The following PLXND1 variants were observed in gnomAD, a reference collection of about 807,000 sequenced individuals.
The protein encoded by PLXND1 is plexin D1.
PLXND1 carries 54 observed loss-of-function variants against 197.7 expected under a neutral mutation model. The ratio of observed to expected loss-of-function variants is 0.27; its 90% CI spans 0.22 to 0.34. The LOEUF (loss-of-function observed/expected upper bound fraction) is 0.34, where lower values mean the gene tolerates loss of function less well. PLXND1 is among the 10% of genes least tolerant of loss of function. PLXND1 has a pLI of 1.00. For synonymous variants in PLXND1, 1,180 were observed against 1,161.2 expected, an observed-to-expected ratio of 1.02 and a Z score of -0.33; for missense variants, 2,127 against 2,699.2, an observed-to-expected ratio of 0.79 and a Z score of 4.70.
intron 19 of PLXND1, 27 bp downstream of exon 19, chr3:129,570,759 C>A: frequency 6.2e-7 from 1 of 1,611,964 alleles, no homozygotes. Context: ...GCCAGGTCTG[C>A]CCTGCTCCGG....
At position 129,567,609 on chromosome 3, in the gene PLXND1, C is replaced by T. The variant is rs763028026; in HGVS notation, c.3974-5G>A. 5.0e-6 allele frequency: 8 copies of T among 1,603,104 alleles called. No homozygotes were observed. Among genetic ancestry groups the T allele is most frequent in the East Asian group, 2.2e-5 (1 of 44,736 alleles). ...CTGTCTGCAGCTCAGCGAAGCCTGG[C>T]GGACACACGGACAGCCGTGAGCGGC... On this transcript the variant is annotated splice_polypyrimidine_tract_variant and splice_region_variant and intron_variant, in intron 21 of 35. Transcript: ENST00000324093.
At chr3:129,572,497 C>T (rs917755273) in intron 15 of PLXND1, 112 bp downstream of exon 15, 4 of 931,414 alleles carry the variant, frequency 4.3e-6, no homozygotes, top group Middle Eastern at 3.1e-4. Flanking sequence ...GGGGACACAG[C>T]CAATGAAGAC....
Position 129,592,998 on chromosome 3 carries a change from C to G in PLXND1, c.1312-3471G>C, listed in dbSNP as rs575521289. Among the ~76,000 whole-genome samples the G allele has an allele frequency of 1.9e-3, 294 of 152,310 alleles. 1 individual carries two copies. The highest frequency in any genetic ancestry group is 6.7e-3 in the African/African-American group (279 of 41,582). Reference sequence around the variant, plus strand: ...TTAGCCTCACAGGCCCAAAATACCCCCTGACCCCAGCACCGTCCTCCTTAA... The same window carrying G: ...TTAGCCTCACAGGCCCAAAATACCCGCTGACCCCAGCACCGTCCTCCTTAA... On this transcript the variant is annotated intron_variant, in intron 1 of 35. Coordinates refer to ENST00000324093, the MANE Select transcript of PLXND1 (RefSeq NM_015103.3).
chr3:129,560,442 G>A lies in PLXND1; in HGVS notation c.5029-8C>T. ...CTCGTCCGTAGGCAGCACCTGGGAG[G>A]CCGGGCAGTGGTCAGTGTCCGCACC... On this transcript the variant is annotated splice_region_variant and splice_polypyrimidine_tract_variant and intron_variant, in intron 30 of 35. Transcript: ENST00000324093. 1.9e-6 allele frequency: 3 copies of A among 1,595,608 alleles called. No homozygotes were observed. Among genetic ancestry groups the A allele is most frequent in the Non-Finnish European group, 2.6e-6 (3 of 1,163,754 alleles).
At position 129,566,433 on chromosome 3, in the gene PLXND1, G is replaced by A. The variant is rs544830082; in HGVS notation, c.4191+94C>T. On this transcript the variant is annotated intron_variant, in intron 23 of 35. Coordinates refer to ENST00000324093, the MANE Select transcript of PLXND1 (RefSeq NM_015103.3). ...AGATGCCTCCCAACTCCGCATGACAGGGATCAATGCATTAGATGAACTGGA... is the reference window on the plus strand; with the variant it reads ...AGATGCCTCCCAACTCCGCATGACAAGGATCAATGCATTAGATGAACTGGA... 2.0e-4 allele frequency: 155 copies of A among 792,134 alleles called. No individual in the cohort carries two copies. In the East Asian group the frequency reaches 3.8e-3, roughly 19 times the overall value. The allele number at this position is 792,134 out of a possible 1,614,324, so 49.1% of individuals were successfully genotyped here.
rs746426331 is a variant in PLXND1, at chr3:129,571,790, C to T, written c.3132G>A (p.Pro1044=). ...GCTCGAAGCGCACACACACAGGCAC[C>T]GGAGCCGGCAGGGCCCCCTCAGGCA... ...CTMPEGALPA[P]VPVCVRFERR... is the part of the protein sequence containing the mutation. The change falls in exon 16 of 36, where the codon CCG becomes CCA. Residue 1044 remains proline, a synonymous_variant. Transcript: ENST00000324093. The T allele has an allele frequency of 7.4e-6, 12 of 1,613,174 alleles. No individual in the cohort carries two copies. Among genetic ancestry groups the T allele is most frequent in the South Asian group, 5.5e-5 (5 of 91,050 alleles).
At chr3:129,587,428 T>G (rs987431155) in intron 2 of PLXND1, among the ~76,000 whole-genome samples, 1 of 152,214 alleles carries the variant, frequency 6.6e-6, no homozygotes, top group African/African-American at 2.4e-5. Context: ...CTTCTCTGGC[T>G]CTGAGGGACC....
At position 129,586,574 on chromosome 3, in the gene PLXND1, G is replaced by A; in HGVS notation, c.1620+14C>T. The A allele has an allele frequency of 6.4e-7, 1 of 1,562,542 alleles. No homozygotes were observed. Among genetic ancestry groups the A allele is most frequent in the African/African-American group, 1.3e-5 (1 of 74,188 alleles). On this transcript the variant is annotated intron_variant, in intron 3 of 35. Coordinates refer to ENST00000324093, the MANE Select transcript of PLXND1 (RefSeq NM_015103.3). ...TGGTGCTGGGATGGCGTTGGGCTGG[G>A]GCTCTGGCCTCACCTGGTGGGACGT... is the stretch of plus-strand genomic sequence containing the variant.
chr3:129,566,501 C>G (rs1578314617), intron 23 of PLXND1, 26 bp downstream of exon 23: 1 of 1,413,152 alleles, frequency 7.1e-7, no homozygotes, highest in South Asian at 1.1e-5. Context: ...AAGCAGCCCA[C>G]TGTGTGTGGG....
chr3:129,575,699 T>G (rs966372479), intron 10 of PLXND1, 67 bp downstream of exon 10: 43 of 1,269,266 alleles, frequency 3.4e-5, no homozygotes, highest in East Asian at 2.5e-5. Flanking sequence ...CAGGGTGGGG[T>G]GAGGGGTACA....
At chr3:129,589,307 G>GCCGCCCCC in intron 2 of PLXND1, 44 bp downstream of exon 2, 1 of 684,688 alleles carries the variant, frequency 1.5e-6, no homozygotes. Flanking sequence ...TCCCAGGGGA[G>GCCGCCCCC]CCTCCCACCC....
intron 8 of PLXND1, among the ~76,000 whole-genome samples, chr3:129,581,546 A>G (rs771722016): frequency 4.6e-5 from 7 of 152,260 alleles, no homozygotes; most frequent in Non-Finnish European, 1.0e-4. Flanking sequence ...CCCAAGGTGC[A>G]TGGTGGCTTT....
intron 2 of PLXND1, 115 bp from the exon 3 acceptor site, chr3:129,586,834 T>C: frequency 8.0e-7 from 1 of 1,247,170 alleles, no homozygotes; most frequent in Non-Finnish European, 1.1e-6. Context: ...CTTGGACCCT[T>C]CAGGAGGGGT....
chr3:129,595,624 C>T (rs1186569590), intron 1 of PLXND1, among the ~76,000 whole-genome samples: 3 of 152,166 alleles, frequency 2.0e-5, no homozygotes, highest in Non-Finnish European at 2.9e-5. Context: ...TCTGGCAGAC[C>T]CTTCGGGGAG....
At position 129,557,037 on chromosome 3, in the gene PLXND1, C is replaced by T; in HGVS notation, c.5586+46G>A. The T allele has an allele frequency of 1.2e-6, 2 of 1,601,112 alleles. No individual in the cohort carries two copies. Among genetic ancestry groups the T allele is most frequent in the Non-Finnish European group, 1.7e-6 (2 of 1,172,750 alleles). ...TGAGGCCCAGCCCCCGACCCCCGAT[C>T]CCTCAGCTCTTCAGGCCCCCATCCC... On this transcript the variant is annotated intron_variant, in intron 34 of 35. Transcript: ENST00000324093. This position sits in a 1 kb window ranked among gnomAD's most constrained non-coding sequence, Gnocchi z 4.8.
Position 129,557,082 on chromosome 3 carries a change from C to CCCTCGACT in PLXND1, c.5579_5586dup (p.Lys1863SerfsTer54). On this transcript the variant is annotated frameshift_variant and splice_region_variant. Transcript: ENST00000324093. LOFTEE classifies it high-confidence loss of function. The surrounding 1 kb of genome is among the most constrained non-coding windows in gnomAD (Gnocchi z 4.8). ...CATCCCCCGCCGCCGAGCCACCGCACCCTCGACTCCTCGGCCAGATGGGCA... is the reference window on the plus strand; with the variant it reads ...CATCCCCCGCCGCCGAGCCACCGCACCCTCGACTCCTCGACTCCTCGGCCAGATGGGCA... 6.2e-7 allele frequency: 1 copy of CCCTCGACT among 1,613,858 alleles called. No individual in the cohort carries two copies. Among genetic ancestry groups the CCCTCGACT allele is most frequent in the Non-Finnish European group, 8.5e-7 (1 of 1,180,016 alleles).
intron 12 of PLXND1, 70 bp downstream of exon 12, chr3:129,574,266 A>C (rs1394636166): frequency 1.4e-6 from 2 of 1,425,174 alleles, no homozygotes; most frequent in African/African-American, 1.4e-5. Flanking sequence ...AAGAAGTGGG[A>C]CCCTCGAGGG....
At chr3:129,602,053 T>C (rs892324674) in intron 1 of PLXND1, among the ~76,000 whole-genome samples, 1 of 152,192 alleles carries the variant, frequency 6.6e-6, no homozygotes, top group South Asian at 2.1e-4. Flanking sequence ...CTAGGGGCTT[T>C]CTAAAATAAT....
chr3:129,596,105 T>C (rs188141074), intron 1 of PLXND1, among the ~76,000 whole-genome samples: 2 of 152,236 alleles, frequency 1.3e-5, no homozygotes, highest in Non-Finnish European at 2.9e-5. Context: ...CTAGGGCTTA[T>C]GGAAGGACTG....
Sources: gnomAD v4.1 joint callset for allele counts (sites outside exome capture counted in the v4.1 genomes callset) on GRCh38, gnomAD v4.1.1 for gene constraint, Gnocchi (gnomAD v3.1) non-coding constraint, MANE v1.5 for transcripts, NCBI Gene and HGNC (gene_info 2026-07-23, HGNC 2026-07-21) for gene names.